Variants in TEX9 observed in about 807,000 individuals in gnomAD.
The protein encoded by TEX9 is testis expressed 9, also known as testis-expressed protein 9.
Under a neutral mutation model 59.6 loss-of-function variants are expected in TEX9, and 74 were observed. The ratio of observed to expected loss-of-function variants is 1.24; its 90% CI spans 1.03 to 1.51. The LOEUF (loss-of-function observed/expected upper bound fraction) is 1.51. Ranked by LOEUF, TEX9 falls within the 40% of genes most tolerant of loss-of-function variation. The pLI is 0.00. For missense variants in TEX9, 522 were observed against 447.8 expected (o/e 1.17, Z -1.49); for synonymous variants, 186 against 152.2 (o/e 1.22, Z -1.64).
At chr15:56,392,909 C>G (rs1017901464) in intron 7 of TEX9, among the ~76,000 whole-genome samples, 4 of 152,100 alleles carry the variant, frequency 2.6e-5, no homozygotes, top group Admixed American at 2.6e-4. Flanking sequence ...GCCTAGGTGT[C>G]TTCTCTTTTG....
intron 1 of TEX9, among the ~76,000 whole-genome samples, chr15:56,352,267 C>G (rs1428576658): frequency 1.3e-5 from 2 of 151,762 alleles, no homozygotes; most frequent in Non-Finnish European, 2.9e-5. Context: ...TTTTTTGAGA[C>G]AGAGTCTCGC....
Position 56,444,111 on chromosome 15 carries a change from C to T in TEX9, c.*30-1560C>T, listed in dbSNP as rs146536906. Among the ~76,000 whole-genome samples, 396 of 152,088 alleles carry T rather than the reference C, an allele frequency of 2.6e-3. 3 individuals are homozygous for T. The highest frequency in any genetic ancestry group is 9.1e-3 in the African/African-American group (377 of 41,550). ...TTTCATAAAGGCTACAATCTGTTAA[C>T]ATTAGCTTTGCAGCACTCTATACTT... is the stretch of plus-strand genomic sequence containing the variant. On this transcript the variant is annotated intron_variant, in intron 12 of 12. Transcript: ENST00000352903.
At chr15:56,389,463 C>T in intron 6 of TEX9, 63 bp downstream of exon 6, 1 of 1,180,448 alleles carries the variant, frequency 8.5e-7, no homozygotes, top group South Asian at 1.4e-5. Context: ...TACCATCATT[C>T]TTAATTATTA....
At chr15:56,371,719 T>C (rs2047199460) in intron 2 of TEX9, among the ~76,000 whole-genome samples, 1 of 152,216 alleles carries the variant, frequency 6.6e-6, no homozygotes, top group African/African-American at 2.4e-5. Flanking sequence ...CGAGTTTTGA[T>C]TGATTCCACG....
intron 1 of TEX9, among the ~76,000 whole-genome samples, chr15:56,262,626 A>C (rs937176692): frequency 7.2e-5 from 11 of 152,342 alleles, no homozygotes; most frequent in South Asian, 2.1e-4. Context: ...CAAATTGGTT[A>C]ATCATTTTGT....
chr15:56,333,594 C>G (rs1293075498), intron 1 of TEX9, among the ~76,000 whole-genome samples: 2 of 151,902 alleles, frequency 1.3e-5, no homozygotes, highest in African/African-American at 4.8e-5. Flanking sequence ...AGACCAAAAG[C>G]CTTTCATCTA....
intron 1 of TEX9, among the ~76,000 whole-genome samples, chr15:56,357,972 A>T (rs546981969): frequency 7.8e-4 from 119 of 152,260 alleles, no homozygotes; most frequent in African/African-American, 2.8e-3. Context: ...TTGATGGTGA[A>T]CTCACATTGT....
downstream of TEX9, chr15:56,446,781 C>G (rs2050907639): frequency 7.9e-7 from 1 of 1,268,196 alleles, no homozygotes; most frequent in Non-Finnish European, 1.1e-6. Context: ...TTTTAAGAAA[C>G]AAGTCTAATT....
At chr15:56,429,029 G>T in intron 12 of TEX9, 1 of 979,258 alleles carries the variant, frequency 1.0e-6, no homozygotes, top group Non-Finnish European at 1.5e-6. Flanking sequence ...CCACTGAACT[G>T]TAAAACAAAA....
the TEX9 span, among the ~76,000 whole-genome samples, chr15:56,458,860 A>G: frequency 2.0e-5 from 3 of 152,188 alleles, no homozygotes; most frequent in East Asian, 5.8e-4. Context: ...ACTGAAGGAC[A>G]TCTTGGTTGC....
At chr15:56,314,749 G>T (rs1385015929) in intron 1 of TEX9, among the ~76,000 whole-genome samples, 5 of 151,330 alleles carry the variant, frequency 3.3e-5, no homozygotes, top group Non-Finnish European at 7.4e-5. Context: ...TGACAGTGGG[G>T]TGTTAAAGTC....
At chr15:56,367,842 A>G (rs1354195732) in intron 2 of TEX9, among the ~76,000 whole-genome samples, 1 of 152,178 alleles carries the variant, frequency 6.6e-6, no homozygotes, top group Admixed American at 6.5e-5. Context: ...TAAATGTAGA[A>G]TTTTTAGATG....
At chr15:56,417,001 T>C (rs2049722999) in intron 10 of TEX9, among the ~76,000 whole-genome samples, 1 of 151,840 alleles carries the variant, frequency 6.6e-6, no homozygotes, top group Non-Finnish European at 1.5e-5. Flanking sequence ...CATAGAGGTG[T>C]TCATAGTAGT....
intron 9 of TEX9, chr15:56,410,130 A>G (rs1432631587): frequency 6.6e-6 from 1 of 152,194 alleles, no homozygotes; most frequent in African/African-American, 2.4e-5. Flanking sequence ...ATTACTCACA[A>G]TTTCAGATAT....
the TEX9 span, among the ~76,000 whole-genome samples, chr15:56,458,301 T>C: frequency 6.6e-6 from 1 of 152,174 alleles, no homozygotes; most frequent in Admixed American, 6.5e-5. Context: ...AAAATAGACT[T>C]TGAAGTTTTG....
intron 1 of TEX9, among the ~76,000 whole-genome samples, chr15:56,292,930 T>C (rs1239148620): frequency 2.0e-5 from 3 of 152,232 alleles, no homozygotes; most frequent in Non-Finnish European, 4.4e-5. Flanking sequence ...TTCCCTATGC[T>C]ATCCTGCTTC....
chr15:56,336,768 A>T (rs1453542626), intron 1 of TEX9, among the ~76,000 whole-genome samples: 1 of 152,194 alleles, frequency 6.6e-6, no homozygotes, highest in East Asian at 1.9e-4. Flanking sequence ...CTTCAGAATT[A>T]TCCTGAATTA....
At chr15:56,274,825 C>T (rs2044631428) in intron 1 of TEX9, among the ~76,000 whole-genome samples, 1 of 151,976 alleles carries the variant, frequency 6.6e-6, no homozygotes, top group South Asian at 2.1e-4. Context: ...CTGGGTTTGT[C>T]TTCAGTGTAC....
At chr15:56,421,389 G>T (rs1173155205) in intron 10 of TEX9, among the ~76,000 whole-genome samples, 1 of 151,854 alleles carries the variant, frequency 6.6e-6, no homozygotes, top group African/African-American at 2.4e-5. Flanking sequence ...AAATGCTACA[G>T]TGGACATTTC....
Sources: gnomAD v4.1 joint callset for allele counts (sites outside exome capture counted in the v4.1 genomes callset) on GRCh38, gnomAD v4.1.1 for gene constraint, MANE v1.5 for transcripts, NCBI Gene and HGNC (gene_info 2026-07-23, HGNC 2026-07-21) for gene names.